Variants in KCTD2 observed in about 807,000 individuals in gnomAD.
KCTD2 encodes BTB/POZ domain-containing protein KCTD2.
Under a neutral mutation model 27.9 loss-of-function variants are expected in KCTD2, and 18 were observed. The ratio of observed to expected loss-of-function variants is 0.64; its 90% CI spans 0.45 to 0.96. The LOEUF (loss-of-function observed/expected upper bound fraction) is 0.96, where lower values mean the gene tolerates loss of function less well. Among genes scored for constraint, KCTD2 ranks in the 40% least tolerant of loss-of-function variants. The pLI is 0.00. For missense variants in KCTD2, 280 were observed against 348.0 expected (o/e 0.80, Z 1.56); for synonymous variants, 175 against 148.4 (o/e 1.18, Z -1.30).
rs914613340 is a variant in KCTD2, at chr17:75,064,617, A to G, written c.*1570A>G. ...CTCCTTGTTTCTCTGTATCTGTAGCATAGCATAGAACCCGGTATACAGGGG... is the reference window on the plus strand; with the variant it reads ...CTCCTTGTTTCTCTGTATCTGTAGCGTAGCATAGAACCCGGTATACAGGGG... On this transcript the variant is annotated 3_prime_UTR_variant, in exon 6 of 6. Coordinates refer to ENST00000322444, the MANE Select transcript of KCTD2 (RefSeq NM_015353.3). 6.6e-6 allele frequency: 1 copy of G among 152,226 alleles called. No individual in the cohort carries two copies. The highest frequency in any genetic ancestry group is 1.5e-5 in the Non-Finnish European group (1 of 68,044). 9.4% of individuals were successfully genotyped at this position (152,226 alleles called of 1,614,324 possible).
At chr17:75,037,345 G>GGA in intron 3 of KCTD2, among the ~76,000 whole-genome samples, 1 of 84,710 alleles carries the variant, frequency 1.2e-5, no homozygotes, top group South Asian at 3.7e-4. Context: ...TTCCATATCA[G>GGA]AAAAAAAAAA....
chr17:75,051,644 C>G (rs1442142182), intron 2 of KCTD2, among the ~76,000 whole-genome samples: 1 of 151,740 alleles, frequency 6.6e-6, no homozygotes, highest in Non-Finnish European at 1.5e-5. Context: ...CTCCCTACCC[C>G]CATCCTCTTG....
chr17:75,060,423 CA>C (rs1429117978), intron 4 of KCTD2: 5 of 1,593,786 alleles, frequency 3.1e-6, no homozygotes, highest in East Asian at 4.5e-5. Context: ...ACTTCAATTT[CA>C]AAAAGCCAAA....
chr17:75,044,015 G>A (rs572502642), upstream of KCTD2, among the ~76,000 whole-genome samples: 1 of 145,642 alleles, frequency 6.9e-6, no homozygotes, highest in Non-Finnish European at 1.5e-5. Context: ...ACCAGCACAC[G>A]TTGTGCACTT....
intron 3 of KCTD2, among the ~76,000 whole-genome samples, chr17:75,038,055 T>A (rs569280725): frequency 1.2e-4 from 18 of 151,818 alleles, no homozygotes; most frequent in African/African-American, 4.3e-4. Flanking sequence ...TCTTAAAAAA[T>A]AATAATAAAA....
chr17:75,057,375 CT>C (rs1340863580), intron 3 of KCTD2, among the ~76,000 whole-genome samples: 1 of 152,112 alleles, frequency 6.6e-6, no homozygotes, highest in Non-Finnish European at 1.5e-5. Flanking sequence ...ATACCTGGGA[CT>C]TTGACAGCTG....
At position 75,059,565 on chromosome 17, in the gene KCTD2, A is replaced by G. The variant is rs149114130; in HGVS notation, c.596A>G (p.Gln199Arg). The G allele has an allele frequency of 2.8e-5, 45 of 1,614,084 alleles. No homozygotes were observed. The highest frequency in any genetic ancestry group is 3.8e-5 in the Non-Finnish European group (45 of 1,180,028). ...CAGTGTCAGGAAGAAGAGCTCACGC[A>G]GATGGTGTCCACGATGTCCGACGGC... Reference protein sequence around the residue: ...VLQCQEEELTQMVSTMSDGWK... With the variant: ...VLQCQEEELTRMVSTMSDGWK... The change falls in exon 4 of 6, where the codon CAG becomes CGG. Residue 199 changes from glutamine (Q) to arginine (R), a missense_variant. By Grantham distance (43) the Gln-to-Arg change is conservative. Transcript: ENST00000322444.
intron 2 of KCTD2, among the ~76,000 whole-genome samples, chr17:75,050,345 T>A (rs1023626533): frequency 6.6e-6 from 1 of 152,178 alleles, no homozygotes; most frequent in Non-Finnish European, 1.5e-5. Context: ...CACTGCAACC[T>A]CAGCCTCCTG....
chr17:75,060,863 G>A (rs1048880518), intron 4 of KCTD2, among the ~76,000 whole-genome samples: 1 of 152,210 alleles, frequency 6.6e-6, no homozygotes, highest in East Asian at 1.9e-4. Flanking sequence ...TTATCTCACA[G>A]ATCAAGTGCA....
chr17:75,056,126 C>G (rs1159779931), intron 3 of KCTD2, among the ~76,000 whole-genome samples: 3 of 152,202 alleles, frequency 2.0e-5, no homozygotes, highest in African/African-American at 7.2e-5. Flanking sequence ...TTATCTCCAG[C>G]AGTTTGCAAA....
In KCTD2 at chr17:75,064,616, C is replaced by T. The variant is rs1349578688; in HGVS notation, c.*1569C>T. ...TCTCCTTGTTTCTCTGTATCTGTAG[C>T]ATAGCATAGAACCCGGTATACAGGG... is the stretch of plus-strand genomic sequence containing the variant. On this transcript the variant is annotated 3_prime_UTR_variant, in exon 6 of 6. Transcript: ENST00000322444. 1.3e-5 allele frequency: 2 copies of T among 152,240 alleles called. No homozygotes were observed. The highest frequency in any genetic ancestry group is 4.8e-5 in the African/African-American group (2 of 41,456). The allele number at this position is 152,240 out of a possible 1,614,324, so 9.4% of individuals were successfully genotyped here.
At chr17:75,033,810 G>C (rs2040086007) in intron 1 of KCTD2, among the ~76,000 whole-genome samples, 1 of 152,194 alleles carries the variant, frequency 6.6e-6, no homozygotes, top group African/African-American at 2.4e-5. Context: ...CGGCAGGGAC[G>C]GACCCACTCC....
At chr17:75,050,559 G>A (rs772707748) in intron 2 of KCTD2, among the ~76,000 whole-genome samples, 5 of 152,018 alleles carry the variant, frequency 3.3e-5, no homozygotes, top group Non-Finnish European at 5.9e-5. Flanking sequence ...CTCCGCGCCC[G>A]ACCTGAGATG....
At chr17:75,038,854 AC>A (rs2073128150) in intron 3 of KCTD2, 2 of 1,484,752 alleles carry the variant, frequency 1.3e-6, no homozygotes, top group Admixed American at 4.2e-5. Flanking sequence ...GAAGAAGCAC[AC>A]CCAGAACTGT....
rs1043584383 is a variant in KCTD2 at position 75,065,228 on chromosome 17, A to G, written c.*2181A>G. ...CCTCTCGGAGGGCTGGTGTTCACCA[A>G]GTTTCCCTCCTCGCTGCAACCCAAT... On this transcript the variant is annotated 3_prime_UTR_variant, in exon 6 of 6. Coordinates refer to ENST00000322444, the MANE Select transcript of KCTD2 (RefSeq NM_015353.3). 2 of 152,244 alleles carry G rather than the reference A, an allele frequency of 1.3e-5. No homozygotes were observed. Among genetic ancestry groups the G allele is most frequent in the African/African-American group, 2.4e-5 (1 of 41,454 alleles). 9.4% of individuals were successfully genotyped at this position (152,244 alleles called of 1,614,324 possible).
intron 4 of KCTD2, among the ~76,000 whole-genome samples, chr17:75,059,992 T>G (rs2073387323): frequency 6.6e-6 from 1 of 152,200 alleles, no homozygotes; most frequent in Non-Finnish European, 1.5e-5. Context: ...TGGTTCTGAA[T>G]GTCTTATGTA....
intron 3 of KCTD2, among the ~76,000 whole-genome samples, chr17:75,036,761 G>A (rs2040116968): frequency 6.6e-6 from 1 of 152,230 alleles, no homozygotes; most frequent in Non-Finnish European, 1.5e-5. Context: ...CAGCGGGATG[G>A]CTGAGTGCCA....
intron 3 of KCTD2, among the ~76,000 whole-genome samples, chr17:75,038,411 G>A (rs755303689): frequency 2.6e-5 from 4 of 152,186 alleles, no homozygotes; most frequent in African/African-American, 7.2e-5. Flanking sequence ...CCAAAATGCT[G>A]GGATTACAGG....
At chr17:75,034,624 C>T (rs922828322) in intron 2 of KCTD2, among the ~76,000 whole-genome samples, 1 of 151,668 alleles carries the variant, frequency 6.6e-6, no homozygotes, top group South Asian at 2.1e-4. Context: ...CAGGATGAAC[C>T]GCTGGCTGGG....
Sources: gnomAD v4.1 joint callset for allele counts (sites outside exome capture counted in the v4.1 genomes callset) on GRCh38, gnomAD v4.1.1 for gene constraint, MANE v1.5 for transcripts, NCBI Gene and HGNC (gene_info 2026-07-23, HGNC 2026-07-21) for gene names.